FOXJ3: variants seen among roughly 807,000 people sequenced by gnomAD.
The protein encoded by FOXJ3 is forkhead box J3, also known as forkhead box protein J3.
Under a neutral mutation model 76.1 loss-of-function variants are expected in FOXJ3, and 22 were observed. The ratio of observed to expected loss-of-function variants is 0.29; its 90% CI spans 0.21 to 0.41. FOXJ3 has a LOEUF of 0.41. FOXJ3 is among the 10% of genes least tolerant of loss of function. The pLI, the probability that FOXJ3 is intolerant of heterozygous loss-of-function variation, is 1.00. For synonymous variants in FOXJ3, 269 were observed against 261.2 expected, an observed-to-expected ratio of 1.03 and a Z score of -0.29; for missense variants, 613 against 762.1, an observed-to-expected ratio of 0.80 and a Z score of 2.30.
At chr1:42,199,353 C>T in intron 6 of FOXJ3, 123 bp from the exon 7 acceptor site, 1 of 726,222 alleles carries the variant, frequency 1.4e-6, no homozygotes, top group Non-Finnish European at 2.3e-6. Context: ...TCCCTAGGTG[C>T]TCACCCCAAT....
intron 11 of FOXJ3, among the ~76,000 whole-genome samples, chr1:42,185,128 G>C (rs1178160990): frequency 1.3e-5 from 2 of 151,926 alleles, no homozygotes; most frequent in Non-Finnish European, 2.9e-5. Flanking sequence ...AACCTACAAA[G>C]TCCAGCTTAA....
chr1:42,256,756 A>G (rs568120555), intron 4 of FOXJ3, among the ~76,000 whole-genome samples: 1 of 152,382 alleles, frequency 6.6e-6, no homozygotes, highest in Non-Finnish European at 1.5e-5. Context: ...ATGTCCACAG[A>G]AAACTTGTTT....
At chr1:42,188,316 T>C (rs1350059695) in intron 11 of FOXJ3, among the ~76,000 whole-genome samples, 1 of 152,238 alleles carries the variant, frequency 6.6e-6, no homozygotes, top group Non-Finnish European at 1.5e-5. Flanking sequence ...TTACGTCTAC[T>C]CTTCAAACAC....
intron 4 of FOXJ3, among the ~76,000 whole-genome samples, chr1:42,238,355 A>G (rs947527932): frequency 6.6e-6 from 1 of 152,012 alleles, no homozygotes; most frequent in African/African-American, 2.4e-5. Context: ...TATCTTAATT[A>G]TTGTTAACTG....
intron 2 of FOXJ3, among the ~76,000 whole-genome samples, chr1:42,292,918 T>C (rs776618684): frequency 6.6e-6 from 1 of 152,118 alleles, no homozygotes. Flanking sequence ...CTGGGCAACA[T>C]GGTGAAATCC....
intron 3 of FOXJ3, among the ~76,000 whole-genome samples, chr1:42,276,009 T>C (rs1652233387): frequency 1.3e-5 from 2 of 152,102 alleles, no homozygotes; most frequent in Non-Finnish European, 2.9e-5. Context: ...CAGAAGAATA[T>C]CAATTAATAA....
Position 42,191,434 on chromosome 1 carries a change from T to G in FOXJ3, c.1220A>C (p.His407Pro). ...GGGGTGAGGGGACTGGAGCTGGCTG[T>G]GTTGCTGTGGGTGTGGTGCTGGGTG... Reference protein sequence around the residue: ...SPHPAPHPQQHSQLQSPHPQH... With the variant: ...SPHPAPHPQQPSQLQSPHPQH... Residue 407 changes from histidine to proline, a missense_variant, in exon 9 of 13, where the codon CAC becomes CCC. Around this residue, in one of 3 missense-constraint regions of FOXJ3, gnomAD observed 526 missense variants for 601.4 expected, o/e 0.87. Transcript: ENST00000361346. The G allele has an allele frequency of 2.5e-6, 4 of 1,612,692 alleles. No homozygotes were observed. The highest frequency in any genetic ancestry group is 3.4e-6 in the Non-Finnish European group (4 of 1,178,886).
chr1:42,190,625 C>A (rs753910199), intron 9 of FOXJ3, among the ~76,000 whole-genome samples: 1 of 152,074 alleles, frequency 6.6e-6, no homozygotes, highest in Non-Finnish European at 1.5e-5. Flanking sequence ...TACTAGAATC[C>A]AGATCTCTTG....
chr1:42,288,710 C>G (rs1486651814), intron 2 of FOXJ3, among the ~76,000 whole-genome samples: 1 of 152,124 alleles, frequency 6.6e-6, no homozygotes, highest in African/African-American at 2.4e-5. Flanking sequence ...TCACTCTTAT[C>G]CTCTCATACA....
In FOXJ3 at chr1:42,177,079, T is replaced by C. The variant is rs1646228890; in HGVS notation, c.*2631A>G. The C allele has an allele frequency of 6.6e-6, 1 of 152,592 alleles. No individual in the cohort carries two copies. The highest frequency in any genetic ancestry group is 2.4e-5 in the African/African-American group (1 of 41,454). The allele number at this position is 152,592 out of a possible 1,614,324, so 9.5% of individuals were successfully genotyped here. Reference sequence around the variant, plus strand: ...AATTTAAGCCCAAGACAGAACTTGTTCTGCATTAGCAACTACCATACAAAA... The same window carrying C: ...AATTTAAGCCCAAGACAGAACTTGTCCTGCATTAGCAACTACCATACAAAA... On this transcript the variant is annotated 3_prime_UTR_variant, in exon 13 of 13. Coordinates refer to ENST00000361346, the MANE Select transcript of FOXJ3 (RefSeq NM_014947.5).
At chr1:42,196,416 G>A (rs1646652189) in intron 7 of FOXJ3, among the ~76,000 whole-genome samples, 2 of 152,212 alleles carry the variant, frequency 1.3e-5, no homozygotes, top group Non-Finnish European at 2.9e-5. Context: ...GCAGGGCCGG[G>A]TGCAGTGGCT....
intron 11 of FOXJ3, among the ~76,000 whole-genome samples, chr1:42,186,278 G>C (rs922112128): frequency 6.6e-6 from 1 of 152,096 alleles, no homozygotes; most frequent in African/African-American, 2.4e-5. Context: ...ACATCAGCAG[G>C]CATGAAGTGA....
At chr1:42,279,048 C>T (rs1294070883) in intron 2 of FOXJ3, among the ~76,000 whole-genome samples, 3 of 152,108 alleles carry the variant, frequency 2.0e-5, no homozygotes, top group Non-Finnish European at 4.4e-5. Flanking sequence ...CACCACAAGC[C>T]GTTAAAAGCT....
intron 1 of FOXJ3, among the ~76,000 whole-genome samples, chr1:42,318,195 A>T (rs1655232964): frequency 6.6e-6 from 1 of 152,246 alleles, no homozygotes; most frequent in Admixed American, 6.5e-5. Context: ...CAGAATATAC[A>T]AACAACTCTT....
chr1:42,248,912 C>T lies in FOXJ3; in HGVS notation c.444+16203G>A, dbSNP rs758388224. On this transcript the variant is annotated intron_variant, in intron 4 of 12. Coordinates refer to ENST00000361346, the MANE Select transcript of FOXJ3 (RefSeq NM_014947.5). ...GTTTTTCCTCTCCTTGCTGCCCCCG[C>T]AACCCAATAGGCCCCGGTGTGTGTT... Among the ~76,000 whole-genome samples the T allele has an allele frequency of 1.1e-4, 17 of 151,956 alleles. 1 individual carries two copies. The highest frequency in any genetic ancestry group is 1.8e-4 in the Non-Finnish European group (12 of 68,004).
intron 4 of FOXJ3, among the ~76,000 whole-genome samples, chr1:42,253,252 AC>A (rs1416422787): frequency 6.7e-6 from 1 of 149,570 alleles, no homozygotes; most frequent in Admixed American, 6.6e-5. Context: ...AATCCAACTT[AC>A]AAGGGATGTG....
chr1:42,215,562 A>C (rs2124386359), intron 5 of FOXJ3, among the ~76,000 whole-genome samples: 1 of 152,280 alleles, frequency 6.6e-6, no homozygotes, highest in South Asian at 2.1e-4. Context: ...AATAATGACT[A>C]AAATCTTTGA....
At chr1:42,222,040 GAGAAGGAGAAGA>G (rs1647217116) in intron 5 of FOXJ3, among the ~76,000 whole-genome samples, 1 of 9,090 alleles carries the variant, frequency 1.1e-4, no homozygotes, top group Non-Finnish European at 2.9e-4. Flanking sequence ...GGAGGAGAAG[GAGAAGGAGAAGA>G]AGAAGAAGAA....
intron 7 of FOXJ3, among the ~76,000 whole-genome samples, chr1:42,196,130 G>T (rs1227865936): frequency 6.6e-6 from 1 of 152,194 alleles, no homozygotes; most frequent in Admixed American, 6.5e-5. Flanking sequence ...TTGCACTATG[G>T]AATTTGTTCC....
Sources: allele counts gnomAD v4.1 joint callset (sites outside exome capture counted in the v4.1 genomes callset), GRCh38; gene constraint gnomAD v4.1.1; regional missense constraint gnomAD v4.1.1; transcripts MANE v1.5; gene names NCBI Gene and HGNC (gene_info 2026-07-23, HGNC 2026-07-21).